Variants in DPYD observed in about 807,000 individuals in gnomAD.
The protein encoded by DPYD is dihydropyrimidine dehydrogenase [NADP(+)].
DPYD carries 109 observed loss-of-function variants against 116.2 expected under a neutral mutation model. The observed-to-expected ratio is 0.94, with a 90% CI of 0.80 to 1.10. The LOEUF (loss-of-function observed/expected upper bound fraction) is 1.10. Among genes scored for constraint, DPYD ranks in the 50% least tolerant of loss-of-function variants. The pLI, the probability that DPYD is intolerant of heterozygous loss-of-function variation, is 0.00. For synonymous variants in DPYD, 440 were observed against 432.0 expected, an observed-to-expected ratio of 1.02 and a Z score of -0.23; for missense variants, 1,302 against 1,254.5, an observed-to-expected ratio of 1.04 and a Z score of -0.57.
Position 97,087,502 on chromosome 1 carries a change from G to C in DPYD, c.2767-5032C>G, listed in dbSNP as rs191014260. On this transcript the variant is annotated intron_variant, in intron 21 of 22. Coordinates refer to ENST00000370192, the MANE Select transcript of DPYD (RefSeq NM_000110.4). ...GGTGAGAGAAGCAAGTAAATCAAGA[G>C]ATGGAATAGCGGCAAGTGAGACTTT... Among the ~76,000 whole-genome samples, 5 of 152,292 alleles carry C rather than the reference G, an allele frequency of 3.3e-5. No individual in the cohort carries two copies. The East Asian group carries it at 9.7e-4, about 29-fold the overall frequency.
At chr1:97,509,699 A>C (rs1481643466) in intron 13 of DPYD, among the ~76,000 whole-genome samples, 1 of 151,940 alleles carries the variant, frequency 6.6e-6, no homozygotes, top group African/African-American at 2.4e-5. Context: ...TCCTAGATGG[A>C]AAAAAGGTTC....
At chr1:97,520,444 T>C (rs960262133) in intron 12 of DPYD, among the ~76,000 whole-genome samples, 2 of 152,174 alleles carry the variant, frequency 1.3e-5, no homozygotes, top group African/African-American at 4.8e-5. Context: ...CTATACACTT[T>C]TCTGAAGTAG....
At chr1:97,811,805 T>C (rs1457909372) in intron 3 of DPYD, among the ~76,000 whole-genome samples, 1 of 152,138 alleles carries the variant, frequency 6.6e-6, no homozygotes, top group African/African-American at 2.4e-5. Flanking sequence ...AACTCTTAGC[T>C]ATAAATAGTT....
At chr1:97,128,506 A>T (rs1426901667) in intron 20 of DPYD, among the ~76,000 whole-genome samples, 1 of 152,208 alleles carries the variant, frequency 6.6e-6, no homozygotes, top group Non-Finnish European at 1.5e-5. Context: ...TTGCTTTAGT[A>T]TACCCTTATA....
intron 13 of DPYD, among the ~76,000 whole-genome samples, chr1:97,515,469 T>G (rs1648146584): frequency 6.6e-6 from 1 of 151,996 alleles, no homozygotes. Context: ...TTTGAGATTA[T>G]TAAATGAAAA....
intron 8 of DPYD, among the ~76,000 whole-genome samples, chr1:97,606,883 T>C (rs1412442685): frequency 6.6e-6 from 1 of 151,928 alleles, no homozygotes; most frequent in Non-Finnish European, 1.5e-5. Flanking sequence ...AACATGGCAT[T>C]GCAGGGGGTA....
intron 16 of DPYD, among the ~76,000 whole-genome samples, chr1:97,339,606 T>C (rs910084928): frequency 6.6e-6 from 1 of 152,176 alleles, no homozygotes; most frequent in Non-Finnish European, 1.5e-5. Context: ...TGTACTGATA[T>C]CTTATCTGAA....
intron 20 of DPYD, among the ~76,000 whole-genome samples, chr1:97,169,559 T>TTTTATTTTATTTTAC (rs1656575247): frequency 6.6e-6 from 1 of 151,468 alleles, no homozygotes; most frequent in African/African-American, 2.4e-5. Flanking sequence ...TTTTATTTTA[T>TTTTATTTTATTTTAC]TTGTTATGGA....
At chr1:97,655,246 G>C (rs945028442) in intron 8 of DPYD, among the ~76,000 whole-genome samples, 1 of 152,160 alleles carries the variant, frequency 6.6e-6, no homozygotes, top group Non-Finnish European at 1.5e-5. Context: ...TTCTGAAAAT[G>C]AACAAAATCC....
At chr1:97,860,983 G>A (rs559005971) in intron 2 of DPYD, among the ~76,000 whole-genome samples, 1 of 152,020 alleles carries the variant, frequency 6.6e-6, no homozygotes, top group South Asian at 2.1e-4. Context: ...GATGGGATGA[G>A]AGAAAGGCAC....
intron 20 of DPYD, among the ~76,000 whole-genome samples, chr1:97,140,894 A>G (rs1233071116): frequency 1.3e-5 from 2 of 152,172 alleles, no homozygotes; most frequent in Non-Finnish European, 2.9e-5. Context: ...GCTTGTTTTG[A>G]AAGTGCAGCT....
In DPYD at chr1:97,153,133, C is replaced by T. The variant is rs550757644; in HGVS notation, c.2622+39936G>A. Among the ~76,000 whole-genome samples the T allele has an allele frequency of 5.3e-5, 8 of 152,138 alleles. No individual in the cohort carries two copies. The South Asian group carries it at 1.5e-3, about 28-fold the overall frequency. ...TTGGTCAAGGCAAAACTGCAGTATTCTCTGTAGCTTAATATGAGTATAGCT... is the reference window on the plus strand; with the variant it reads ...TTGGTCAAGGCAAAACTGCAGTATTTTCTGTAGCTTAATATGAGTATAGCT... On this transcript the variant is annotated intron_variant, in intron 20 of 22. Coordinates refer to ENST00000370192, the MANE Select transcript of DPYD (RefSeq NM_000110.4).
chr1:97,816,263 A>AT (rs1557983600), intron 3 of DPYD, among the ~76,000 whole-genome samples: 1 of 151,502 alleles, frequency 6.6e-6, no homozygotes, highest in East Asian at 1.9e-4. Context: ...CCTATATACC[A>AT]TCTCCTTTCA....
intron 14 of DPYD, among the ~76,000 whole-genome samples, chr1:97,409,817 A>T (rs1673873798): frequency 1.3e-5 from 2 of 152,148 alleles, no homozygotes; most frequent in Admixed American, 1.3e-4. Context: ...CTACAGGGCC[A>T]GGCACAATGG....
chr1:97,346,079 T>G (rs972750884), intron 16 of DPYD, among the ~76,000 whole-genome samples: 1 of 151,914 alleles, frequency 6.6e-6, no homozygotes, highest in Non-Finnish European at 1.5e-5. Context: ...AAAGAACATA[T>G]AATTTAGTAT....
chr1:97,860,152 G>C (rs1671048228), intron 2 of DPYD, among the ~76,000 whole-genome samples: 1 of 152,042 alleles, frequency 6.6e-6, no homozygotes, highest in South Asian at 2.1e-4. Flanking sequence ...AGAACAGTCT[G>C]GGCAGCATAA....
At chr1:97,808,404 T>G (rs1668182643) in intron 3 of DPYD, among the ~76,000 whole-genome samples, 1 of 152,322 alleles carries the variant, frequency 6.6e-6, no homozygotes, top group Non-Finnish European at 1.5e-5. Flanking sequence ...TTTCAAATTC[T>G]TATTGTGCAT....
chr1:97,678,982 G>A (rs1660294286), intron 8 of DPYD, 113 bp downstream of exon 8: 1 of 499,126 alleles, frequency 2.0e-6, no homozygotes, highest in Non-Finnish European at 3.5e-6. Context: ...GTTATTCCCT[G>A]AACAAATATA....
chr1:97,200,932 T>C (rs1659159461), intron 19 of DPYD, among the ~76,000 whole-genome samples: 1 of 152,134 alleles, frequency 6.6e-6, no homozygotes, highest in African/African-American at 2.4e-5. Context: ...TGCTATGAAT[T>C]GTTCAGTAAG....
Sources: allele counts gnomAD v4.1 joint callset (sites outside exome capture counted in the v4.1 genomes callset), GRCh38; gene constraint gnomAD v4.1.1; transcripts MANE v1.5; gene names NCBI Gene and HGNC (gene_info 2026-07-23, HGNC 2026-07-21).